The following CNTNAP5 variants were observed in gnomAD, a reference collection of about 807,000 sequenced individuals.
CNTNAP5 encodes the protein contactin associated protein family member 5.
In CNTNAP5, 72 loss-of-function variants were observed where a neutral mutation model predicts 150.2. The observed-to-expected ratio is 0.48, with a 90% CI of 0.40 to 0.58. The LOEUF (loss-of-function observed/expected upper bound fraction) is 0.58, where lower values mean the gene tolerates loss of function less well. CNTNAP5 is among the 20% of genes least tolerant of loss of function. The pLI is 0.00. For synonymous variants in CNTNAP5, 672 were observed against 619.8 expected, an observed-to-expected ratio of 1.08 and a Z score of -1.25; for missense variants, 1,636 against 1,626.2, an observed-to-expected ratio of 1.01 and a Z score of -0.10.
intron 1 of CNTNAP5, among the ~76,000 whole-genome samples, chr2:124,195,654 A>G (rs1379041068): frequency 1.3e-5 from 2 of 152,194 alleles, no homozygotes; most frequent in Admixed American, 1.3e-4. Flanking sequence ...AGCTAGCAAG[A>G]TTAAACATAA....
intron 22 of CNTNAP5, among the ~76,000 whole-genome samples, chr2:124,903,362 ATG>A (rs139411874): frequency 4.0e-5 from 6 of 151,462 alleles, no homozygotes; most frequent in African/African-American, 7.3e-5. Context: ...TGCATTGTGT[ATG>A]TGTGTGTGTG....
At position 124,203,593 on chromosome 2, in the gene CNTNAP5, A is replaced by G. The variant is rs193162738; in HGVS notation, c.83-18112A>G. ...TCTGCCTGGATATCCAGGCATTTCC[A>G]TACATCCTCTGAAATCTAGGCAGAG... On this transcript the variant is annotated intron_variant, in intron 1 of 23. Coordinates refer to ENST00000682447, the MANE Select transcript of CNTNAP5 (RefSeq NM_001367498.1). 2.0e-3 allele frequency among the ~76,000 whole-genome samples: 307 copies of G among 152,224 alleles called. 1 individual carries two copies. Among genetic ancestry groups the G allele is most frequent in the Non-Finnish European group, 3.4e-3 (234 of 68,018 alleles).
At chr2:124,186,750 AT>A (rs140353159) in intron 1 of CNTNAP5, among the ~76,000 whole-genome samples, 11,291 of 152,270 alleles carry the variant, frequency 0.074, 589 homozygotes, top group Non-Finnish European at 0.11. Flanking sequence ...GCCAAATTAA[AT>A]AAGCTTCATG....
chr2:124,571,527 C>T (rs141726305), intron 11 of CNTNAP5, among the ~76,000 whole-genome samples: 63 of 46,820 alleles, frequency 1.3e-3, no homozygotes, highest in Admixed American at 2.0e-3. Flanking sequence ...TTTCTTTTTT[C>T]TTTTTTTTTT....
intron 3 of CNTNAP5, among the ~76,000 whole-genome samples, chr2:124,297,810 TTTATTATTATTATTA>T (rs138310065): frequency 0.014 from 1,740 of 126,350 alleles, 27 homozygotes; most frequent in Non-Finnish European, 0.017. Context: ...CATCCAATTA[TTTATTATTATTATTA>T]TTATTATTAT....
At chr2:124,895,302 A>C (rs1206092382) in intron 21 of CNTNAP5, among the ~76,000 whole-genome samples, 1 of 151,486 alleles carries the variant, frequency 6.6e-6, no homozygotes, top group African/African-American at 2.4e-5. Flanking sequence ...AAAAACATTT[A>C]TTTCCCAACT....
At chr2:124,663,668 C>G (rs1419261816) in intron 13 of CNTNAP5, among the ~76,000 whole-genome samples, 5 of 152,124 alleles carry the variant, frequency 3.3e-5, no homozygotes, top group South Asian at 2.1e-4. Context: ...AACCTGTACT[C>G]TGCTTCATTT....
chr2:124,620,324 T>C (rs1249317517), intron 12 of CNTNAP5, among the ~76,000 whole-genome samples: 1 of 152,146 alleles, frequency 6.6e-6, no homozygotes, highest in Non-Finnish European at 1.5e-5. Flanking sequence ...TTTGGGATGT[T>C]GGAAACAGCC....
chr2:124,519,366 C>T (rs922835043), intron 8 of CNTNAP5, among the ~76,000 whole-genome samples: 2 of 152,000 alleles, frequency 1.3e-5, no homozygotes, highest in African/African-American at 4.8e-5. Context: ...AAATCTGTTA[C>T]CAAAAAATAA....
intron 4 of CNTNAP5, among the ~76,000 whole-genome samples, chr2:124,430,343 G>A (rs1692347104): frequency 1.3e-5 from 2 of 152,136 alleles, no homozygotes; most frequent in Admixed American, 6.6e-5. Flanking sequence ...AATAATAATA[G>A]TATTTTCCTC....
At chr2:124,632,995 A>G (rs942004596) in intron 12 of CNTNAP5, among the ~76,000 whole-genome samples, 9 of 152,082 alleles carry the variant, frequency 5.9e-5, no homozygotes, top group Admixed American at 5.9e-4. Context: ...GAATGGTGCT[A>G]TTTAAAAACC....
At chr2:124,060,068 C>T (rs111245850) in intron 1 of CNTNAP5, among the ~76,000 whole-genome samples, 1,800 of 152,262 alleles carry the variant, frequency 0.012, 40 homozygotes, top group African/African-American at 0.041. Flanking sequence ...TCCATAACCT[C>T]TAAGGCTTGA....
intron 12 of CNTNAP5, among the ~76,000 whole-genome samples, chr2:124,642,939 T>C (rs1678124630): frequency 6.6e-6 from 1 of 152,228 alleles, no homozygotes; most frequent in Admixed American, 6.5e-5. Flanking sequence ...AGTCTGCCTT[T>C]GGAAGCCATG....
At chr2:124,726,130 T>C (rs1333215302) in intron 13 of CNTNAP5, among the ~76,000 whole-genome samples, 2 of 152,180 alleles carry the variant, frequency 1.3e-5, no homozygotes, top group East Asian at 3.9e-4. Context: ...TCACCAATGC[T>C]TGTTAAATTT....
chr2:124,435,976 T>C (rs1021564622), intron 5 of CNTNAP5, among the ~76,000 whole-genome samples: 1 of 152,210 alleles, frequency 6.6e-6, no homozygotes, highest in African/African-American at 2.4e-5. Flanking sequence ...ACCTCATTGG[T>C]TGTAATTACC....
At chr2:124,087,118 T>C (rs1256793564) in intron 1 of CNTNAP5, among the ~76,000 whole-genome samples, 1 of 151,794 alleles carries the variant, frequency 6.6e-6, no homozygotes, top group Non-Finnish European at 1.5e-5. Context: ...CCTTTGGTCA[T>C]ATAATTGTTT....
chr2:124,891,776 A>G (rs1270477374), intron 21 of CNTNAP5, among the ~76,000 whole-genome samples: 1 of 152,050 alleles, frequency 6.6e-6, no homozygotes, highest in African/African-American at 2.4e-5. Flanking sequence ...AGTGGTGTTT[A>G]TGGTTTGTTG....
chr2:124,193,813 A>C (rs983692346), intron 1 of CNTNAP5, among the ~76,000 whole-genome samples: 1 of 152,158 alleles, frequency 6.6e-6, no homozygotes, highest in Non-Finnish European at 1.5e-5. Context: ...ACTCTTTAGC[A>C]GATGGTAGAT....
chr2:124,769,465 G>A (rs116169790), intron 16 of CNTNAP5, among the ~76,000 whole-genome samples: 2,204 of 151,992 alleles, frequency 0.015, 53 homozygotes, highest in African/African-American at 0.05. Context: ...GAAGGCATTC[G>A]TCAGAAGGTT....
Sources: allele counts gnomAD v4.1 joint callset (sites outside exome capture counted in the v4.1 genomes callset), GRCh38; gene constraint gnomAD v4.1.1; transcripts MANE v1.5; gene names NCBI Gene and HGNC (gene_info 2026-07-23, HGNC 2026-07-21).